Variants in NAALADL2 observed in about 807,000 individuals in gnomAD.
The protein encoded by NAALADL2 is N-acetylated alpha-linked acidic dipeptidase like 2.
A neutral mutation model predicts 87.2 loss-of-function variants in NAALADL2; 76 were observed. The ratio of observed to expected loss-of-function variants is 0.87; its 90% confidence interval spans 0.72 to 1.05. NAALADL2 has a LOEUF of 1.05. Among genes scored for constraint, NAALADL2 ranks in the 50% least tolerant of loss-of-function variants. The pLI is 0.00. For synonymous variants in NAALADL2, 354 were observed against 331.0 expected, an observed-to-expected ratio of 1.07 and a Z score of -0.75; for missense variants, 1,089 against 945.8, an observed-to-expected ratio of 1.15 and a Z score of -1.99.
intron 2 of NAALADL2, among the ~76,000 whole-genome samples, chr3:175,192,976 A>G (rs1392217025): frequency 6.6e-6 from 1 of 152,010 alleles, no homozygotes; most frequent in Non-Finnish European, 1.5e-5. Context: ...CAGATACAAA[A>G]TGAGGCTAAA....
At chr3:175,441,299 A>G (rs1183051503) in intron 5 of NAALADL2, among the ~76,000 whole-genome samples, 1 of 152,188 alleles carries the variant, frequency 6.6e-6, no homozygotes, top group South Asian at 2.1e-4. Context: ...TGTATTAGGT[A>G]TTATAAGTAA....
chr3:175,366,912 T>C (rs1765667539), intron 5 of NAALADL2, among the ~76,000 whole-genome samples: 1 of 151,766 alleles, frequency 6.6e-6, no homozygotes, highest in Non-Finnish European at 1.5e-5. Context: ...GCTTTTGGTG[T>C]TTTAGACTTG....
chr3:175,160,533 A>G (rs1580739638), intron 2 of NAALADL2, among the ~76,000 whole-genome samples: 1 of 151,450 alleles, frequency 6.6e-6, no homozygotes, highest in Non-Finnish European at 1.5e-5. Context: ...TGTATTTTTA[A>G]TAGAGACGGG....
At chr3:174,448,746 G>C (rs1715250371) in intron 1 of NAALADL2, among the ~76,000 whole-genome samples, 1 of 152,150 alleles carries the variant, frequency 6.6e-6, no homozygotes, top group South Asian at 2.1e-4. Context: ...ACAGGAATTA[G>C]GGAGGAGTAA....
At chr3:175,068,818 AC>A (rs1328759322) in intron 1 of NAALADL2, among the ~76,000 whole-genome samples, 11 of 152,248 alleles carry the variant, frequency 7.2e-5, no homozygotes, top group African/African-American at 2.6e-4. Context: ...CAATCAGAAT[AC>A]CTTTGAAAAA....
rs1256966717 is a variant in NAALADL2 at position 175,803,973 on chromosome 3, A to T, written c.*770A>T. 6.6e-6 allele frequency: 1 copy of T among 152,292 alleles called. No individual in the cohort carries two copies. The highest frequency in any genetic ancestry group is 1.5e-5 in the Non-Finnish European group (1 of 67,862). 9.4% of individuals were successfully genotyped at this position (152,292 alleles called of 1,614,324 possible). On this transcript the variant is annotated 3_prime_UTR_variant, in exon 14 of 14. Transcript: ENST00000454872. ...TGTATGTCTTAAGAGGGAGAAAAAA[A>T]TATTTCTTATTACTTTTTCTCTTGT...
At chr3:174,506,794 C>A (rs547376664) in intron 1 of NAALADL2, among the ~76,000 whole-genome samples, 8 of 152,128 alleles carry the variant, frequency 5.3e-5, no homozygotes, top group African/African-American at 1.9e-4. Flanking sequence ...TATTTATTGA[C>A]GTTGAATACA....
chr3:175,600,639 G>A (rs1722848020), intron 10 of NAALADL2, among the ~76,000 whole-genome samples: 1 of 137,374 alleles, frequency 7.3e-6, no homozygotes, highest in Non-Finnish European at 1.5e-5. Context: ...CCAGGTTCAC[G>A]CCATTCTCCT....
intron 4 of NAALADL2, among the ~76,000 whole-genome samples, chr3:175,288,212 T>C (rs1755218219): frequency 6.6e-6 from 1 of 152,080 alleles, no homozygotes; most frequent in Non-Finnish European, 1.5e-5. Flanking sequence ...AAAAATTTGA[T>C]GTCCCAGTTT....
At chr3:175,527,093 C>A (rs1371125996) in intron 9 of NAALADL2, among the ~76,000 whole-genome samples, 3 of 152,022 alleles carry the variant, frequency 2.0e-5, no homozygotes, top group Non-Finnish European at 4.4e-5. Flanking sequence ...TAGAGAGGAT[C>A]CTGAGGAATC....
At chr3:175,451,961 A>G (rs1721641747) in intron 6 of NAALADL2, among the ~76,000 whole-genome samples, 1 of 152,188 alleles carries the variant, frequency 6.6e-6, no homozygotes, top group Admixed American at 6.5e-5. Flanking sequence ...ACTTGAAACA[A>G]TGCATTACTA....
At chr3:175,680,458 A>G (rs1735437560) in intron 11 of NAALADL2, among the ~76,000 whole-genome samples, 1 of 152,196 alleles carries the variant, frequency 6.6e-6, no homozygotes, top group South Asian at 2.1e-4. Context: ...AGTAAATGAT[A>G]ATAGAGATTT....
intron 2 of NAALADL2, among the ~76,000 whole-genome samples, chr3:174,707,312 A>T (rs1225910316): frequency 6.6e-6 from 1 of 152,110 alleles, no homozygotes; most frequent in Non-Finnish European, 1.5e-5. Context: ...ACCTGAAGGA[A>T]TATAAACCAT....
At chr3:175,005,773 T>C (rs1221703138) in intron 1 of NAALADL2, among the ~76,000 whole-genome samples, 1 of 152,132 alleles carries the variant, frequency 6.6e-6, no homozygotes, top group Non-Finnish European at 1.5e-5. Flanking sequence ...TTAATCGGGG[T>C]GTACATACTT....
chr3:175,748,008 C>CT (rs548420197), intron 12 of NAALADL2, among the ~76,000 whole-genome samples: 4,688 of 148,442 alleles, frequency 0.032, 175 homozygotes, highest in African/African-American at 0.096. Flanking sequence ...AAATCTGTTG[C>CT]TTTTTTTTTT....
intron 1 of NAALADL2, among the ~76,000 whole-genome samples, chr3:175,086,509 A>G (rs1284682392): frequency 6.6e-6 from 1 of 152,142 alleles, no homozygotes; most frequent in Non-Finnish European, 1.5e-5. Flanking sequence ...GAATTCTAAA[A>G]ATTTTGCATA....
At chr3:175,138,703 C>G (rs967258392) in intron 2 of NAALADL2, among the ~76,000 whole-genome samples, 1 of 148,670 alleles carries the variant, frequency 6.7e-6, no homozygotes, top group Non-Finnish European at 1.5e-5. Flanking sequence ...CTCAACTGAT[C>G]CTCCCGAATA....
intron 2 of NAALADL2, among the ~76,000 whole-genome samples, chr3:175,227,056 T>A (rs965888034): frequency 6.6e-6 from 1 of 152,100 alleles, no homozygotes; most frequent in African/African-American, 2.4e-5. Context: ...TATCTGCATA[T>A]GTTATTGTAA....
intron 2 of NAALADL2, among the ~76,000 whole-genome samples, chr3:174,620,207 G>A (rs1720864870): frequency 6.6e-6 from 1 of 151,970 alleles, no homozygotes; most frequent in Non-Finnish European, 1.5e-5. Flanking sequence ...GAAAGGCTCT[G>A]GGAATATAAG....
Sources: allele counts gnomAD v4.1 joint callset (sites outside exome capture counted in the v4.1 genomes callset), GRCh38; gene constraint gnomAD v4.1.1; transcripts MANE v1.5; gene names NCBI Gene and HGNC (gene_info 2026-07-23, HGNC 2026-07-21).